SYNE3: variants seen among roughly 807,000 people sequenced by gnomAD.
SYNE3 encodes the protein nesprin-3.
A neutral mutation model predicts 111.2 loss-of-function variants in SYNE3; 100 were observed. The ratio of observed to expected loss-of-function variants is 0.90; its 90% confidence interval spans 0.77 to 1.06. The LOEUF (loss-of-function observed/expected upper bound fraction) is 1.06, where lower values mean the gene tolerates loss of function less well. Ranked by LOEUF, SYNE3 falls within the 50% of genes least tolerant of loss-of-function variation. The probability of loss-of-function intolerance (pLI) is 0.00; values close to 1 mark genes in which losing one functional copy is unlikely to be tolerated. For synonymous variants in SYNE3, 547 were observed against 533.9 expected, an observed-to-expected ratio of 1.02 and a Z score of -0.34; for missense variants, 1,160 against 1,240.3, an observed-to-expected ratio of 0.94 and a Z score of 0.97.
intron 15 of SYNE3, among the ~76,000 whole-genome samples, chr14:95,434,081 G>A (rs1013518438): frequency 2.6e-5 from 4 of 151,994 alleles, no homozygotes; most frequent in Admixed American, 6.6e-5. Flanking sequence ...GTGGTGGTGC[G>A]GTGGGGGGAA....
chr14:95,503,717 C>G (rs10438222), intron 1 of SYNE3, among the ~76,000 whole-genome samples: 32,792 of 147,512 alleles, frequency 0.22, 3,715 homozygotes, highest in Middle Eastern at 0.28. Context: ...CTTCTGGGCT[C>G]AAGTGATCCT....
rs149214006 is a variant in SYNE3, at chr14:95,494,495, T to A, written c.-14-18660A>T. Among the ~76,000 whole-genome samples the A allele has an allele frequency of 1.9e-3, 286 of 152,224 alleles. 1 individual carries two copies. The highest frequency in any genetic ancestry group is 6.5e-3 in the African/African-American group (268 of 41,544). ...CAGGCTGCAGGATGGGTTTGGCAAT[T>A]GTTAACAAAGAGAGACGGGAGGAGG... On this transcript the variant is annotated intron_variant, in intron 1 of 17. Transcript: ENST00000682763.
At chr14:95,433,520 G>A (rs1885913419) in intron 15 of SYNE3, 111 bp from the exon 16 acceptor site, 2 of 1,447,898 alleles carry the variant, frequency 1.4e-6, no homozygotes, top group Middle Eastern at 2.1e-4. Flanking sequence ...TAGGCAGGGA[G>A]GAGGCAGACA....
chr14:95,460,027 G>A (rs1887692200), intron 4 of SYNE3, among the ~76,000 whole-genome samples: 1 of 152,024 alleles, frequency 6.6e-6, no homozygotes, highest in Admixed American at 6.6e-5. Context: ...AGCCCAGGAG[G>A]TGGAGGCTGC....
rs59944497 is a variant in SYNE3, at chr14:95,513,737, TTATATATATATATATATA to T, written c.-15+2841_-15+2858del. On this transcript the variant is annotated intron_variant, in intron 1 of 17. Coordinates refer to ENST00000682763, the MANE Select transcript of SYNE3 (RefSeq NM_152592.6). ...TTGTGGTCCAGTCAGGCTGCTTAGA[TTATATATATATATATATA>T]TATATATATATATATATTCAGAATC... 2.6e-4 allele frequency among the ~76,000 whole-genome samples: 24 copies of T among 92,500 alleles called. 1 individual carries two copies. The highest frequency in any genetic ancestry group is 7.0e-4 in the African/African-American group (15 of 21,408). 60.7% of individuals were successfully genotyped at this position (92,500 alleles called of 152,430 possible). A position where few individuals can be genotyped will look rare whatever the true frequency, so the allele number is the denominator to read the frequency against.
At position 95,466,145 on chromosome 14, in the gene SYNE3, G is replaced by A. The variant is rs551210062; in HGVS notation, c.413C>T (p.Pro138Leu). 6.2e-7 allele frequency: 1 copy of A among 1,610,624 alleles called. No homozygotes were observed. Among genetic ancestry groups the A allele is most frequent in the Admixed American group, 1.7e-5 (1 of 59,960 alleles). Residue 138 changes from proline (P) to leucine (L), a missense_variant, in exon 4 of 18, where the codon CCC becomes CTC. Pro to Leu is a moderately conservative substitution (Grantham distance 98). Coordinates refer to ENST00000682763, the MANE Select transcript of SYNE3 (RefSeq NM_152592.6). ...WFQKMMVTLEPHIELQLGLKE... is the reference protein window; with the variant it reads ...WFQKMMVTLELHIELQLGLKE... ...CAGGCCCAGCTGGAGCTCGATGTGG[G>A]GCTCCAGTGTGACCATCATCTTCTG...
At chr14:95,436,720 C>T (rs1886104813) in intron 15 of SYNE3, 100 bp downstream of exon 15, 1 of 1,395,384 alleles carries the variant, frequency 7.2e-7, no homozygotes, top group South Asian at 1.3e-5. Context: ...GAACAGCTCA[C>T]AAACTGTGGG....
intron 1 of SYNE3, among the ~76,000 whole-genome samples, chr14:95,514,955 C>T (rs771945994): frequency 6.6e-6 from 1 of 152,230 alleles, no homozygotes; most frequent in African/African-American, 2.4e-5. Flanking sequence ...ATGCAAAGCA[C>T]CCGAGCAGGA....
intron 1 of SYNE3, among the ~76,000 whole-genome samples, chr14:95,484,021 C>T (rs1253878862): frequency 2.0e-5 from 3 of 152,118 alleles, no homozygotes; most frequent in Non-Finnish European, 4.4e-5. Flanking sequence ...CTCTGATGCA[C>T]CTGCTTCTCC....
intron 17 of SYNE3, among the ~76,000 whole-genome samples, chr14:95,420,646 C>T (rs17828494): frequency 0.13 from 20,210 of 152,044 alleles, 1,420 homozygotes; most frequent in Non-Finnish European, 0.15. Context: ...ACTTAGAGGG[C>T]CCTGGATTCC....
intron 8 of SYNE3, 149 bp downstream of exon 8, chr14:95,449,782 G>A (rs7153802): frequency 0.28 from 385,727 of 1,395,654 alleles, 54,649 homozygotes; most frequent in Admixed American, 0.46. Flanking sequence ...CGCTCCCTGT[G>A]CACCAGGACT....
chr14:95,455,872 G>T, intron 5 of SYNE3, 148 bp from the exon 6 acceptor site: 2 of 745,280 alleles, frequency 2.7e-6, no homozygotes, highest in South Asian at 3.6e-5. Flanking sequence ...CCAAGGGCTG[G>T]ACTGTCTGCC....
chr14:95,503,682 G>A (rs2139603334), intron 1 of SYNE3, among the ~76,000 whole-genome samples: 1 of 129,386 alleles, frequency 7.7e-6, no homozygotes, highest in Middle Eastern at 5.3e-3. Flanking sequence ...ACAGTGGTGT[G>A]ATCACAGTTC....
Position 95,440,069 on chromosome 14 carries a change from C to A in SYNE3, c.1918G>T (p.Val640Leu). 1 of 1,601,740 alleles carries A rather than the reference C, an allele frequency of 6.2e-7. No individual in the cohort carries two copies. The highest frequency in any genetic ancestry group is 8.5e-7 in the Non-Finnish European group (1 of 1,178,538). ...TGCACACTCTGCCGACACCTGTCCA[C>A]AAGGTCCTGCAGCACAGCCCGGGGA... ...QALQRSLEDL[V>L]DRCRQSVQEH... Residue 640 changes from valine to leucine, a missense_variant, in exon 12 of 18, where the codon GTG becomes TTG. Val to Leu is a conservative substitution (Grantham distance 32, BLOSUM62 1). Coordinates refer to ENST00000682763, the MANE Select transcript of SYNE3 (RefSeq NM_152592.6).
At position 95,466,302 on chromosome 14, in the gene SYNE3, TC is replaced by T. The variant is rs1888173256; in HGVS notation, c.318-63del. The T allele has an allele frequency of 3.3e-6, 5 of 1,507,768 alleles. No homozygotes were observed. In the African/African-American group the frequency reaches 6.9e-5, roughly 21 times the overall value. 93.4% of individuals were successfully genotyped at this position (1,507,768 alleles called of 1,614,324 possible). ...AGCCACCTGCCTCCTGGGTCGGGGGTCTGTGCTGTCACCCCCTCCCCAATAC... is the reference window on the plus strand; with the variant it reads ...AGCCACCTGCCTCCTGGGTCGGGGGTTGTGCTGTCACCCCCTCCCCAATAC... On this transcript the variant is annotated intron_variant, in intron 3 of 17. Coordinates refer to ENST00000682763, the MANE Select transcript of SYNE3 (RefSeq NM_152592.6).
At chr14:95,477,665 G>A (rs894039433) in intron 1 of SYNE3, among the ~76,000 whole-genome samples, 3 of 152,148 alleles carry the variant, frequency 2.0e-5, no homozygotes, top group Non-Finnish European at 4.4e-5. Context: ...CCAGGGGGAG[G>A]TGGGCGACGT....
At chr14:95,510,213 C>T (rs28681246) in intron 1 of SYNE3, among the ~76,000 whole-genome samples, 3,309 of 152,258 alleles carry the variant, frequency 0.022, 110 homozygotes, top group African/African-American at 0.075. Flanking sequence ...GGAGGTATCA[C>T]CAACCCTGTT....
chr14:95,499,854 G>GTTTTTTTTTTTT (rs1890259277), intron 1 of SYNE3, among the ~76,000 whole-genome samples: 1 of 53,756 alleles, frequency 1.9e-5, no homozygotes, highest in African/African-American at 9.6e-5. Context: ...ACTAACTCTT[G>GTTTTTTTTTTTT]TCTTTTTTTT....
intron 9 of SYNE3, among the ~76,000 whole-genome samples, chr14:95,445,409 C>G (rs1225679065): frequency 6.6e-6 from 1 of 152,208 alleles, no homozygotes; most frequent in East Asian, 1.9e-4. Flanking sequence ...ATAGCCAGTG[C>G]CCCATAGATC....
Sources: gnomAD v4.1 joint callset for allele counts (sites outside exome capture counted in the v4.1 genomes callset) on GRCh38, gnomAD v4.1.1 for gene constraint, MANE v1.5 for transcripts, NCBI Gene and HGNC (gene_info 2026-07-23, HGNC 2026-07-21) for gene names.